The following IMMP2L variants were observed in gnomAD, a reference collection of about 807,000 sequenced individuals.
IMMP2L encodes the protein mitochondrial inner membrane protease subunit 2.
A neutral mutation model predicts 19.3 loss-of-function variants in IMMP2L; 18 were observed. That is an observed-to-expected ratio of 0.93 (90% CI 0.64 to 1.38). IMMP2L has a LOEUF of 1.38. Among genes scored for constraint, IMMP2L ranks in the 40% most tolerant of loss-of-function variants. The pLI is 0.00. For missense variants in IMMP2L, 233 were observed against 218.2 expected, an observed-to-expected ratio of 1.07 and a Z score of -0.43; for synonymous variants, 76 against 73.0, an observed-to-expected ratio of 1.04 and a Z score of -0.21.
At chr7:110,901,240 A>G (rs903890587) in intron 4 of IMMP2L, among the ~76,000 whole-genome samples, 3 of 152,052 alleles carry the variant, frequency 2.0e-5, no homozygotes, top group African/African-American at 7.2e-5. Flanking sequence ...ACGAAGGTAG[A>G]GATTTTAGCA....
intron 3 of IMMP2L, among the ~76,000 whole-genome samples, chr7:111,308,224 A>G (rs1320634317): frequency 6.6e-6 from 1 of 152,036 alleles, no homozygotes; most frequent in Non-Finnish European, 1.5e-5. Flanking sequence ...ACAAAATCTT[A>G]CTATTAATAT....
At chr7:111,091,985 C>T (rs1426205843) in intron 3 of IMMP2L, among the ~76,000 whole-genome samples, 4 of 152,150 alleles carry the variant, frequency 2.6e-5, no homozygotes, top group African/African-American at 9.7e-5. Context: ...GTTTTGAAAT[C>T]AACCCACCAA....
chr7:110,929,468 A>G (rs1815235172), intron 4 of IMMP2L, among the ~76,000 whole-genome samples: 1 of 152,152 alleles, frequency 6.6e-6, no homozygotes, highest in African/African-American at 2.4e-5. Context: ...ATTCCATTTT[A>G]TATCAGTAGA....
intron 3 of IMMP2L, among the ~76,000 whole-genome samples, chr7:111,442,418 T>C (rs1360062076): frequency 1.3e-5 from 2 of 151,766 alleles, no homozygotes; most frequent in African/African-American, 2.4e-5. Context: ...ACTTCATCAT[T>C]TACAGTTGAA....
chr7:110,967,137 C>A (rs1819619635), intron 3 of IMMP2L, among the ~76,000 whole-genome samples: 1 of 152,080 alleles, frequency 6.6e-6, no homozygotes, highest in African/African-American at 2.4e-5. Flanking sequence ...TTCTTTACTG[C>A]ATGAGTCTTA....
chr7:111,324,457 T>C (rs950386007), intron 3 of IMMP2L, among the ~76,000 whole-genome samples: 2 of 151,948 alleles, frequency 1.3e-5, no homozygotes, highest in Admixed American at 6.6e-5. Context: ...ATTAGTCAAC[T>C]ACAGACCATA....
chr7:111,183,112 A>G (rs1807891983), intron 3 of IMMP2L, among the ~76,000 whole-genome samples: 1 of 152,124 alleles, frequency 6.6e-6, no homozygotes, highest in East Asian at 1.9e-4. Flanking sequence ...AAACCAAAAA[A>G]TGAAGAAAGG....
chr7:110,715,907 G>A (rs370082873), intron 5 of IMMP2L, among the ~76,000 whole-genome samples: 2 of 152,202 alleles, frequency 1.3e-5, no homozygotes, highest in African/African-American at 4.8e-5. Context: ...ATTTTCCTAA[G>A]TCTAGAAGTA....
chr7:111,396,095 C>G (rs1832838069), intron 3 of IMMP2L, among the ~76,000 whole-genome samples: 2 of 152,046 alleles, frequency 1.3e-5, no homozygotes, highest in African/African-American at 4.8e-5. Context: ...GGATCTAGAA[C>G]TAGAAATACC....
chr7:111,416,789 T>C (rs1189082803), intron 3 of IMMP2L, among the ~76,000 whole-genome samples: 1 of 151,708 alleles, frequency 6.6e-6, no homozygotes, highest in Non-Finnish European at 1.5e-5. Flanking sequence ...AGGCAATACA[T>C]GAATCATATG....
intron 3 of IMMP2L, among the ~76,000 whole-genome samples, chr7:110,997,521 A>T (rs1823171190): frequency 6.6e-6 from 1 of 152,100 alleles, no homozygotes; most frequent in Non-Finnish European, 1.5e-5. Context: ...CCTCGCAAGC[A>T]TTTGGTGTTG....
chr7:111,355,751 A>G (rs1449055397), intron 3 of IMMP2L, among the ~76,000 whole-genome samples: 1 of 151,782 alleles, frequency 6.6e-6, no homozygotes, highest in East Asian at 1.9e-4. Context: ...AACATATTTG[A>G]AGCTATTTTT....
intron 5 of IMMP2L, among the ~76,000 whole-genome samples, chr7:110,686,773 G>T (rs1376872519): frequency 6.6e-6 from 1 of 151,840 alleles, no homozygotes; most frequent in Non-Finnish European, 1.5e-5. Flanking sequence ...TTCCCTGAAC[G>T]AACACAGTAA....
At chr7:111,076,763 G>A (rs943794711) in intron 3 of IMMP2L, among the ~76,000 whole-genome samples, 3 of 152,158 alleles carry the variant, frequency 2.0e-5, no homozygotes, top group African/African-American at 7.2e-5. Context: ...GGGCAATGAT[G>A]TTATTGTTTA....
At chr7:111,491,067 C>G (rs1843057347) in intron 2 of IMMP2L, among the ~76,000 whole-genome samples, 1 of 152,094 alleles carries the variant, frequency 6.6e-6, no homozygotes, top group African/African-American at 2.4e-5. Flanking sequence ...CCTTAGCCTA[C>G]TCAATATGAA....
chr7:111,194,627 T>C (rs1185311620), intron 3 of IMMP2L, among the ~76,000 whole-genome samples: 1 of 152,180 alleles, frequency 6.6e-6, no homozygotes, highest in Non-Finnish European at 1.5e-5. Context: ...TGTGAATGAA[T>C]AGTACATATG....
At chr7:111,084,653 C>A (rs1796161999) in intron 3 of IMMP2L, among the ~76,000 whole-genome samples, 1 of 152,088 alleles carries the variant, frequency 6.6e-6, no homozygotes, top group African/African-American at 2.4e-5. Context: ...CCCACAATGA[C>A]AAGAGACAGA....
At chr7:111,286,720 T>A (rs938115764) in intron 3 of IMMP2L, among the ~76,000 whole-genome samples, 4 of 152,042 alleles carry the variant, frequency 2.6e-5, no homozygotes, top group African/African-American at 9.7e-5. Context: ...TTGCATTACT[T>A]CATGAAAACA....
chr7:110,789,363 T>G (rs924587158), intron 5 of IMMP2L, among the ~76,000 whole-genome samples: 2 of 151,778 alleles, frequency 1.3e-5, no homozygotes, highest in African/African-American at 4.9e-5. Flanking sequence ...TCAGAACAAC[T>G]TGTACTCATC....
Sources: allele counts gnomAD v4.1 joint callset (sites outside exome capture counted in the v4.1 genomes callset), GRCh38; gene constraint gnomAD v4.1.1; transcripts MANE v1.5; gene names NCBI Gene and HGNC (gene_info 2026-07-23, HGNC 2026-07-21).